CNOT1: variants seen among roughly 807,000 people sequenced by gnomAD.
The protein encoded by CNOT1 is CCR4-associated factor 1.
Under a neutral mutation model 273.8 loss-of-function variants are expected in CNOT1, and 15 were observed. The ratio of observed to expected loss-of-function variants is 0.05; its 90% confidence interval spans 0.04 to 0.08. The LOEUF (loss-of-function observed/expected upper bound fraction) is 0.08. Ranked by LOEUF, CNOT1 falls within the 10% of genes least tolerant of loss-of-function variation. CNOT1 has a pLI of 1.00. For missense variants in CNOT1, 1,644 were observed against 2,912.2 expected, an observed-to-expected ratio of 0.56 and a Z score of 10.02; for synonymous variants, 1,022 against 1,005.5, an observed-to-expected ratio of 1.02 and a Z score of -0.31.
At chr16:58,530,963 G>A (rs1314420045) in intron 42 of CNOT1, among the ~76,000 whole-genome samples, 3 of 152,128 alleles carry the variant, frequency 2.0e-5, no homozygotes, top group Non-Finnish European at 2.9e-5. Flanking sequence ...AAACTTCCGA[G>A]AGAACACAAA....
chr16:58,576,544 T>C lies in CNOT1; in HGVS notation c.1623A>G (p.Ala541=). Residue 541 remains alanine (A), a synonymous_variant, in exon 14 of 49, where the codon GCA becomes GCG. Coordinates refer to ENST00000317147, the MANE Select transcript of CNOT1 (RefSeq NM_016284.5). ...CCCCTCTCATGTACCATTCTGCCAT[T>C]GCATGCATGATAAGTTGGCGAATTG... ...SPSIRQLIMH[A]MAEWYMRGEQ... is the part of the protein sequence containing the mutation. 2.5e-6 allele frequency: 4 copies of C among 1,614,168 alleles called. No homozygotes were observed. The highest frequency in any genetic ancestry group is 3.4e-6 in the Non-Finnish European group (4 of 1,180,020).
intron 16 of CNOT1, among the ~76,000 whole-genome samples, chr16:58,569,391 C>T (rs2041181984): frequency 6.6e-6 from 1 of 152,038 alleles, no homozygotes; most frequent in Admixed American, 6.6e-5. Context: ...CAAAGTGCTG[C>T]TGGGATTATA....
chr16:58,556,016 A>T (rs77287021), intron 19 of CNOT1, 108 bp from the exon 20 acceptor site: 4 of 1,510,662 alleles, frequency 2.6e-6, no homozygotes, highest in Non-Finnish European at 3.5e-6. Context: ...AGGGAAATAT[A>T]AAAAAACTGG....
At position 58,585,322 on chromosome 16, in the gene CNOT1, A is replaced by G. The variant is rs545881346; in HGVS notation, c.806+16T>C. ...GCACAAGAATAATCAGAAGCTTAAC[A>G]CATTTTACTACCAACCTTGCACAAA... On this transcript the variant is annotated intron_variant, in intron 8 of 48. Coordinates refer to ENST00000317147, the MANE Select transcript of CNOT1 (RefSeq NM_016284.5). The G allele has an allele frequency of 5.6e-6, 9 of 1,613,304 alleles. No individual in the cohort carries two copies. The South Asian group carries it at 7.7e-5, about 14-fold the overall frequency.
At chr16:58,565,250 C>T (rs943614767) in intron 16 of CNOT1, among the ~76,000 whole-genome samples, 12 of 152,080 alleles carry the variant, frequency 7.9e-5, no homozygotes, top group African/African-American at 2.4e-4. Context: ...GCTGCTGGGA[C>T]TCCACGCATA....
intron 16 of CNOT1, among the ~76,000 whole-genome samples, chr16:58,569,722 G>A (rs2041200275): frequency 6.6e-6 from 1 of 151,716 alleles, no homozygotes; most frequent in Admixed American, 6.6e-5. Flanking sequence ...GGGGGTGGGG[G>A]GATGGGGGCT....
intron 2 of CNOT1, among the ~76,000 whole-genome samples, chr16:58,594,492 C>T (rs2042178849): frequency 6.6e-6 from 1 of 151,840 alleles, no homozygotes; most frequent in African/African-American, 2.4e-5. Context: ...GAAAAACTAC[C>T]AAATTATATA....
chr16:58,551,832 G>A lies in CNOT1; in HGVS notation c.2971-13C>T. ...CATACTCAATATACTAAAAGGGTAGGGAGAGGAAAAAGAGTTAACCTTAAT... is the reference window on the plus strand; with the variant it reads ...CATACTCAATATACTAAAAGGGTAGAGAGAGGAAAAAGAGTTAACCTTAAT... On this transcript the variant is annotated splice_polypyrimidine_tract_variant and intron_variant, in intron 22 of 48. Transcript: ENST00000317147. The A allele has an allele frequency of 6.2e-7, 1 of 1,612,474 alleles. No homozygotes were observed. The highest frequency in any genetic ancestry group is 8.5e-7 in the Non-Finnish European group (1 of 1,178,880).
Position 58,543,410 on chromosome 16 carries a change from A to AG in CNOT1, c.4434+196dup, listed in dbSNP as rs766486237. ...TCAAACATCGTGTTGAGAATATAAC[A>AG]GAAAAAAAAAAAAACACACAGACAT... On this transcript the variant is annotated intron_variant, in intron 31 of 48. Coordinates refer to ENST00000317147, the MANE Select transcript of CNOT1 (RefSeq NM_016284.5). 24 of 1,474,126 alleles carry AG rather than the reference A, an allele frequency of 1.6e-5. No homozygotes were observed. In the East Asian group the frequency reaches 5.6e-4, roughly 34 times the overall value. 91.3% of individuals were successfully genotyped at this position (1,474,126 alleles called of 1,614,324 possible). A position where few individuals can be genotyped will look rare whatever the true frequency, so the allele number is the denominator to read the frequency against.
Position 58,614,333 on chromosome 16 carries a change from T to C in CNOT1, c.-174-14822A>G, listed in dbSNP as rs1407663883. 1.6e-5 allele frequency among the ~76,000 whole-genome samples: 2 copies of C among 124,078 alleles called. 1 individual carries two copies. The highest frequency in any genetic ancestry group is 3.8e-5 in the Non-Finnish European group (2 of 52,344). 81.4% of individuals were successfully genotyped at this position (124,078 alleles called of 152,430 possible). A position where few individuals can be genotyped will look rare whatever the true frequency, so the allele number is the denominator to read the frequency against. On this transcript the variant is annotated intron_variant, in intron 1 of 48. Coordinates refer to ENST00000317147, the MANE Select transcript of CNOT1 (RefSeq NM_016284.5). ...GAGTTCTCACCATCCCCAGGGCTAC[T>C]AAGAGTGACTCATTCGGCATAAACT...
intron 1 of CNOT1, among the ~76,000 whole-genome samples, chr16:58,600,041 G>A (rs1477715295): frequency 6.6e-6 from 1 of 151,702 alleles, no homozygotes; most frequent in African/African-American, 2.4e-5. Flanking sequence ...CCAGCTCTGG[G>A]CAACAGAGCA....
chr16:58,560,130 G>A, intron 17 of CNOT1, 82 bp downstream of exon 17: 1 of 1,547,784 alleles, frequency 6.5e-7, no homozygotes, highest in Non-Finnish European at 8.7e-7. Context: ...AATAAATTCA[G>A]ACAATTTATT....
intron 13 of CNOT1, 139 bp downstream of exon 13, chr16:58,578,560 A>G: frequency 7.4e-7 from 1 of 1,354,620 alleles, no homozygotes; most frequent in Non-Finnish European, 9.5e-7. Context: ...AGATAAAACA[A>G]GTTTTATGAC....
At chr16:58,615,143 A>C (rs1210277742) in intron 1 of CNOT1, among the ~76,000 whole-genome samples, 3 of 125,402 alleles carry the variant, frequency 2.4e-5, no homozygotes, top group African/African-American at 8.1e-5. Context: ...TTCTAGAGGT[A>C]AGTGGGACCC....
In CNOT1 at chr16:58,618,609, G is replaced by C. The variant is rs146713892; in HGVS notation, c.-175+11119C>G. On this transcript the variant is annotated intron_variant, in intron 1 of 48. Transcript: ENST00000317147. ...AAGAAAAAAATTAGCAGGGCATGTT[G>C]GCGCACACTCCAGCCTGGGCGACAC... 2.6e-3 allele frequency among the ~76,000 whole-genome samples: 400 copies of C among 151,284 alleles called. 2 individuals carry two copies. Among genetic ancestry groups the C allele is most frequent in the African/African-American group, 9.1e-3 (376 of 41,198 alleles).
At chr16:58,526,277 T>G in intron 44 of CNOT1, 139 bp from the exon 45 acceptor site, 1 of 763,264 alleles carries the variant, frequency 1.3e-6, no homozygotes, top group Non-Finnish European at 2.0e-6. Flanking sequence ...CACATTTTAT[T>G]AATCAGTCTT....
At chr16:58,545,597 AT>A in intron 29 of CNOT1, 106 bp from the exon 30 acceptor site, 1 of 1,525,454 alleles carries the variant, frequency 6.6e-7, no homozygotes, top group Non-Finnish European at 8.8e-7. Context: ...AACGAATTAA[AT>A]TGGGAGAGGA....
intron 16 of CNOT1, among the ~76,000 whole-genome samples, chr16:58,569,400 T>C (rs890714135): frequency 6.6e-6 from 1 of 151,926 alleles, no homozygotes; most frequent in Non-Finnish European, 1.5e-5. Flanking sequence ...GCTGGGATTA[T>C]AGGCTGAAGC....
chr16:58,530,655 G>A, intron 42 of CNOT1: 1 of 178,344 alleles, frequency 5.6e-6, no homozygotes, highest in Non-Finnish European at 1.2e-5. Context: ...GAGGTGGCGG[G>A]CACCTATAAT....
Sources: allele counts gnomAD v4.1 joint callset (sites outside exome capture counted in the v4.1 genomes callset), GRCh38; gene constraint gnomAD v4.1.1; transcripts MANE v1.5; gene names NCBI Gene and HGNC (gene_info 2026-07-23, HGNC 2026-07-21).